XKR6: variants seen among roughly 807,000 people sequenced by gnomAD.
XKR6 encodes XK related 6, also known as XK-related protein 6.
In XKR6, 22 loss-of-function variants were observed where a neutral mutation model predicts 56.7. The observed-to-expected ratio is 0.39, with a 90% confidence interval of 0.28 to 0.55. The LOEUF (loss-of-function observed/expected upper bound fraction) is 0.55. XKR6 is among the 20% of genes least tolerant of loss of function. The pLI is 0.66. For missense variants in XKR6, 852 were observed against 889.0 expected (o/e 0.96, Z 0.53); for synonymous variants, 524 against 387.8 (o/e 1.35, Z -4.13).
chr8:11,193,792 C>A (rs1419570710), intron 1 of XKR6, among the ~76,000 whole-genome samples: 2 of 143,428 alleles, frequency 1.4e-5, no homozygotes, highest in Non-Finnish European at 3.0e-5. Flanking sequence ...AGAAAAACCT[C>A]CAAAATACTT....
intron 1 of XKR6, chr8:11,138,456 T>G (rs140100710): frequency 6.6e-6 from 1 of 152,176 alleles, no homozygotes; most frequent in Non-Finnish European, 1.5e-5. Context: ...AGTGAACAAG[T>G]GCTGTGATTT....
At chr8:10,963,858 G>C (rs962701664) in intron 1 of XKR6, among the ~76,000 whole-genome samples, 4 of 152,184 alleles carry the variant, frequency 2.6e-5, no homozygotes, top group Non-Finnish European at 4.4e-5. Flanking sequence ...AGTAGTTGCT[G>C]AACGAATGAA....
chr8:11,129,959 T>C (rs955084219), intron 1 of XKR6, among the ~76,000 whole-genome samples: 11 of 152,146 alleles, frequency 7.2e-5, no homozygotes, highest in African/African-American at 2.7e-4. Context: ...CAAGTGTCAA[T>C]CTGAATTCTT....
intron 2 of XKR6, among the ~76,000 whole-genome samples, chr8:10,920,607 C>T (rs1471573383): frequency 1.3e-5 from 2 of 152,214 alleles, no homozygotes; most frequent in East Asian, 3.9e-4. Flanking sequence ...AAGGCTTGTA[C>T]ATTTCCTGCA....
intron 2 of XKR6, among the ~76,000 whole-genome samples, chr8:10,900,339 A>G (rs1322345304): frequency 6.6e-6 from 1 of 152,042 alleles, no homozygotes; most frequent in Non-Finnish European, 1.5e-5. Flanking sequence ...AACTCCCCAC[A>G]ACTCTCCGAA....
At chr8:11,071,457 C>T (rs1800112200) in intron 1 of XKR6, among the ~76,000 whole-genome samples, 1 of 150,916 alleles carries the variant, frequency 6.6e-6, no homozygotes, top group Non-Finnish European at 1.5e-5. Context: ...CATTTTACAC[C>T]TTTAAGTCTA....
intron 1 of XKR6, among the ~76,000 whole-genome samples, chr8:11,187,803 A>T (rs919555729): frequency 2.0e-5 from 3 of 152,154 alleles, no homozygotes; most frequent in Non-Finnish European, 2.9e-5. Flanking sequence ...TTCTAGTGAA[A>T]CTGGCCTGCA....
intron 1 of XKR6, among the ~76,000 whole-genome samples, chr8:11,007,824 TG>T (rs537368353): frequency 1.6e-3 from 246 of 152,212 alleles, no homozygotes; most frequent in African/African-American, 5.7e-3. Context: ...TTCTCCTCTC[TG>T]GGCTTGTATC....
intron 1 of XKR6, 107 bp from the exon 2 acceptor site, chr8:10,924,937 C>A: frequency 8.3e-7 from 1 of 1,207,004 alleles, no homozygotes; most frequent in South Asian, 1.5e-5. Context: ...CCCCCAACTC[C>A]CTATGCTCTG....
At chr8:10,974,872 G>T (rs1334402525) in intron 1 of XKR6, among the ~76,000 whole-genome samples, 1 of 152,206 alleles carries the variant, frequency 6.6e-6, no homozygotes, top group African/African-American at 2.4e-5. Context: ...AGGTGAAAAG[G>T]TTCTGTAGAC....
intron 1 of XKR6, among the ~76,000 whole-genome samples, chr8:11,049,980 T>A (rs546257920): frequency 6.6e-6 from 1 of 152,202 alleles, no homozygotes; most frequent in South Asian, 2.1e-4. Flanking sequence ...GGGCCCCTCG[T>A]GAGGAAATCA....
Position 11,171,195 on chromosome 8 carries a change from C to T in XKR6, c.764+29381G>A, listed in dbSNP as rs28638223. Among the ~76,000 whole-genome samples the T allele has an allele frequency of 6.0e-3, 915 of 152,344 alleles. 10 individuals are homozygous for T. Among genetic ancestry groups the T allele is most frequent in the African/African-American group, 0.021 (869 of 41,588 alleles). ...GAAGTGTGGTCCACCACACAGCCGA[C>T]CTGTATATGAGGCACTCTGTAACAT... On this transcript the variant is annotated intron_variant, in intron 1 of 2. Transcript: ENST00000416569.
chr8:11,009,137 T>A (rs1798442257), intron 1 of XKR6, among the ~76,000 whole-genome samples: 2 of 152,086 alleles, frequency 1.3e-5, no homozygotes, highest in Non-Finnish European at 2.9e-5. Flanking sequence ...CTTTAGCTAA[T>A]CATTCCATAG....
intron 1 of XKR6, among the ~76,000 whole-genome samples, chr8:11,056,613 G>C (rs1350952527): frequency 6.6e-6 from 1 of 152,222 alleles, no homozygotes; most frequent in African/African-American, 2.4e-5. Flanking sequence ...GGAAGGGCAG[G>C]TCACTGGGGC....
chr8:10,948,350 G>C (rs1440865458), intron 1 of XKR6, among the ~76,000 whole-genome samples: 1 of 152,172 alleles, frequency 6.6e-6, no homozygotes, highest in Non-Finnish European at 1.5e-5. Flanking sequence ...AAGATGCCCA[G>C]CACCGCATCT....
intron 1 of XKR6, among the ~76,000 whole-genome samples, chr8:11,001,084 A>G (rs1016246665): frequency 3.3e-5 from 5 of 152,360 alleles, no homozygotes; most frequent in Admixed American, 3.3e-4. Flanking sequence ...TGCTGGCCTC[A>G]TTGGATGACT....
chr8:11,131,309 G>C (rs1800091509), intron 1 of XKR6, among the ~76,000 whole-genome samples: 1 of 152,016 alleles, frequency 6.6e-6, no homozygotes, highest in Middle Eastern at 3.4e-3. Flanking sequence ...TGCCTCTTTA[G>C]CTTCCTATGT....
At chr8:10,984,984 G>C (rs532948007) in intron 1 of XKR6, among the ~76,000 whole-genome samples, 1 of 151,856 alleles carries the variant, frequency 6.6e-6, no homozygotes, top group African/African-American at 2.4e-5. Context: ...CTGTACCCCA[G>C]GCTGCAGTGC....
chr8:11,149,805 G>T (rs780456839), intron 1 of XKR6, among the ~76,000 whole-genome samples: 2 of 152,168 alleles, frequency 1.3e-5, no homozygotes, highest in Non-Finnish European at 2.9e-5. Context: ...GACTATTCAC[G>T]ATAGCAAAGA....
Sources: allele counts gnomAD v4.1 joint callset (sites outside exome capture counted in the v4.1 genomes callset), GRCh38; gene constraint gnomAD v4.1.1; transcripts MANE v1.5; gene names NCBI Gene and HGNC (gene_info 2026-07-23, HGNC 2026-07-21).